OSBPL3: variants seen among roughly 807,000 people sequenced by gnomAD.
The protein encoded by OSBPL3 is oxysterol-binding protein-related protein 3.
OSBPL3 carries 65 observed loss-of-function variants against 120.1 expected under a neutral mutation model. The observed-to-expected ratio is 0.54, with a 90% CI of 0.44 to 0.67. The LOEUF (loss-of-function observed/expected upper bound fraction) is 0.67, where lower values mean the gene tolerates loss of function less well. OSBPL3 is among the 30% of genes least tolerant of loss of function. The probability of loss-of-function intolerance (pLI) is 0.00; values close to 1 mark genes in which losing one functional copy is unlikely to be tolerated. For missense variants in OSBPL3, 1,004 were observed against 1,082.1 expected (o/e 0.93, Z 1.01); for synonymous variants, 416 against 402.6 (o/e 1.03, Z -0.40).
intron 10 of OSBPL3, among the ~76,000 whole-genome samples, chr7:24,861,363 C>A (rs1383557429): frequency 6.6e-6 from 1 of 152,178 alleles, no homozygotes; most frequent in African/African-American, 2.4e-5. Flanking sequence ...ACACTCCCAC[C>A]AACATCACAT....
chr7:24,848,688 G>C (rs1266450208), intron 12 of OSBPL3, among the ~76,000 whole-genome samples: 1 of 152,050 alleles, frequency 6.6e-6, no homozygotes, highest in African/African-American at 2.4e-5. Context: ...AAGGAGGCTG[G>C]CAGGGAACCA....
chr7:24,806,663 T>C lies in OSBPL3; in HGVS notation c.2444+113A>G. 1 of 938,890 alleles carries C rather than the reference T, an allele frequency of 1.1e-6. No individual in the cohort carries two copies. The highest frequency in any genetic ancestry group is 1.6e-6 in the Non-Finnish European group (1 of 625,672). 58.2% of individuals were successfully genotyped at this position (938,890 alleles called of 1,614,324 possible). The stretch of plus-strand genomic sequence containing the variant: ...TAAAGCATCCCCACCTCTCAATTCC[T>C]GATGACATTTTCCACCTTTCTCAGG... On this transcript the variant is annotated intron_variant, in intron 21 of 22. Coordinates refer to ENST00000313367, the MANE Select transcript of OSBPL3 (RefSeq NM_015550.4). This position sits in a 1 kb window ranked among gnomAD's most constrained non-coding sequence, Gnocchi z 5.2.
chr7:24,881,263 C>A lies in OSBPL3; in HGVS notation c.97-9194G>T, dbSNP rs1195481738. On this transcript the variant is annotated intron_variant, in intron 2 of 22. Coordinates refer to ENST00000313367, the MANE Select transcript of OSBPL3 (RefSeq NM_015550.4). This position sits in a 1 kb window ranked among gnomAD's most constrained non-coding sequence, Gnocchi z 4.3. Reference sequence around the variant, plus strand: ...ATCCAAATCAGAAGTGAATTATTTTCACAGTGCTACACAATAACTGGTTCT... The same window carrying A: ...ATCCAAATCAGAAGTGAATTATTTTAACAGTGCTACACAATAACTGGTTCT... 2.2e-4 allele frequency among the ~76,000 whole-genome samples: 33 copies of A among 152,174 alleles called. No homozygotes were observed. Among genetic ancestry groups the A allele is most frequent in the Admixed American group, 2.0e-3 (31 of 15,276 alleles).
At position 24,849,191 on chromosome 7, in the gene OSBPL3, A is replaced by C. The variant is rs1320931720; in HGVS notation, c.1159-15T>G. ...TGTGCTAGGGCCTGGAACATGTTAA[A>C]ATAGTGGGGCTCTGTTAATAAATGG... On this transcript the variant is annotated splice_polypyrimidine_tract_variant and intron_variant, in intron 11 of 22. Coordinates refer to ENST00000313367, the MANE Select transcript of OSBPL3 (RefSeq NM_015550.4). This position sits in a 1 kb window ranked among gnomAD's most constrained non-coding sequence, Gnocchi z 5.4. 3.8e-6 allele frequency: 6 copies of C among 1,585,490 alleles called. No individual in the cohort carries two copies. The highest frequency in any genetic ancestry group is 1.3e-5 in the African/African-American group (1 of 74,426).
At chr7:24,823,030 G>A (rs1473672746) in intron 16 of OSBPL3, among the ~76,000 whole-genome samples, 1 of 152,154 alleles carries the variant, frequency 6.6e-6, no homozygotes, top group Non-Finnish European at 1.5e-5. Context: ...TACATTGATA[G>A]CTTATTATTT....
chr7:24,907,077 C>T lies in OSBPL3; in HGVS notation c.-149-14456G>A, dbSNP rs530549666. Among the ~76,000 whole-genome samples the T allele has an allele frequency of 6.0e-5, 9 of 151,130 alleles. No individual in the cohort carries two copies. In the South Asian group the frequency reaches 1.9e-3, roughly 32 times the overall value. ...CAGAGCCCCCAGTAGTGTAGATTCT[C>T]TCTCTCCCTGACACTGACCTCATCA... On this transcript the variant is annotated intron_variant, in intron 1 of 22. Coordinates refer to ENST00000313367, the MANE Select transcript of OSBPL3 (RefSeq NM_015550.4).
chr7:24,857,666 T>A (rs112114605), intron 10 of OSBPL3, among the ~76,000 whole-genome samples: 28 of 152,216 alleles, frequency 1.8e-4, no homozygotes, highest in Non-Finnish European at 4.4e-5. Flanking sequence ...AAAGGCTTAT[T>A]ATTTACAATG....
chr7:24,889,928 C>T (rs1363758776), intron 2 of OSBPL3, among the ~76,000 whole-genome samples: 1 of 152,182 alleles, frequency 6.6e-6, no homozygotes, highest in Non-Finnish European at 1.5e-5. Context: ...CCATCATCAT[C>T]ATGGAACAGA....
At chr7:24,890,993 C>A (rs1006919578) in intron 2 of OSBPL3, among the ~76,000 whole-genome samples, 1 of 152,176 alleles carries the variant, frequency 6.6e-6, no homozygotes, top group East Asian at 1.9e-4. Flanking sequence ...ATGTTCTCCC[C>A]CTTTATCAAA....
rs930654912 is a variant in OSBPL3 at position 24,797,899 on chromosome 7, T to A, written c.*2284A>T. 1 of 152,144 alleles carries A rather than the reference T, an allele frequency of 6.6e-6. No homozygotes were observed. The highest frequency in any genetic ancestry group is 1.9e-4 in the East Asian group (1 of 5,200). 9.4% of individuals were successfully genotyped at this position (152,144 alleles called of 1,614,324 possible). On this transcript the variant is annotated 3_prime_UTR_variant, in exon 23 of 23. Coordinates refer to ENST00000313367, the MANE Select transcript of OSBPL3 (RefSeq NM_015550.4). This position sits in a 1 kb window ranked among gnomAD's most constrained non-coding sequence, Gnocchi z 4.8. The stretch of plus-strand genomic sequence containing the variant: ...AAAACTATAAAATGTCCTAGAGACA[T>A]ACATTTGGGGGAAAGATGCTTTTGA...
chr7:24,834,982 T>C lies in OSBPL3; in HGVS notation c.1496-246A>G, dbSNP rs1282243469. 6.6e-6 allele frequency among the ~76,000 whole-genome samples: 1 copy of C among 152,176 alleles called. No homozygotes were observed. Among genetic ancestry groups the C allele is most frequent in the Non-Finnish European group, 1.5e-5 (1 of 68,032 alleles). On this transcript the variant is annotated intron_variant, in intron 14 of 22. Coordinates refer to ENST00000313367, the MANE Select transcript of OSBPL3 (RefSeq NM_015550.4). This position sits in a 1 kb window ranked among gnomAD's most constrained non-coding sequence, Gnocchi z 5.2. ...CCTTGAATTGCTCCTCAAAACCTAGTTCCTCATAGCTCATACACACTTAGA... is the reference window on the plus strand; with the variant it reads ...CCTTGAATTGCTCCTCAAAACCTAGCTCCTCATAGCTCATACACACTTAGA...
intron 1 of OSBPL3, among the ~76,000 whole-genome samples, chr7:24,923,348 T>C (rs886341235): frequency 9.2e-5 from 14 of 152,164 alleles, no homozygotes; most frequent in African/African-American, 3.4e-4. Flanking sequence ...TGTCTCCCTG[T>C]CCACTGGAGT....
Position 24,938,884 on chromosome 7 carries a change from T to A in OSBPL3, c.-150+41002A>T, listed in dbSNP as rs1812760592. ...AAGAAAGAAAAAAAAAAAAGATTGT[T>A]ATTAAGGAAAAAGTATATAATGGGA... is the stretch of plus-strand genomic sequence containing the variant. On this transcript the variant is annotated intron_variant, in intron 1 of 22. Coordinates refer to ENST00000313367, the MANE Select transcript of OSBPL3 (RefSeq NM_015550.4). This position sits in a 1 kb window ranked among gnomAD's most constrained non-coding sequence, Gnocchi z 5.8. Among the ~76,000 whole-genome samples the A allele has an allele frequency of 6.7e-6, 1 of 150,326 alleles. No homozygotes were observed. Among genetic ancestry groups the A allele is most frequent in the African/African-American group, 2.5e-5 (1 of 40,706 alleles).
chr7:24,911,180 G>T (rs1054544745), intron 1 of OSBPL3, among the ~76,000 whole-genome samples: 8 of 152,196 alleles, frequency 5.3e-5, no homozygotes, highest in African/African-American at 1.9e-4. Context: ...AAATTGAAAT[G>T]CAAAGCAGGA....
intron 6 of OSBPL3, 143 bp downstream of exon 6, chr7:24,865,927 A>C: frequency 1.5e-6 from 1 of 649,874 alleles, no homozygotes; most frequent in East Asian, 2.7e-5. Flanking sequence ...CTCAGTGGGC[A>C]AACAGACTAA....
chr7:24,837,850 T>C (rs1797207311), intron 14 of OSBPL3, among the ~76,000 whole-genome samples: 1 of 152,220 alleles, frequency 6.6e-6, no homozygotes, highest in Admixed American at 6.5e-5. Context: ...TCCCTTAATC[T>C]GTATTCTTAA....
chr7:24,892,468 A>G lies in OSBPL3; in HGVS notation c.5T>C (p.Met2Thr). The G allele has an allele frequency of 1.9e-6, 3 of 1,612,512 alleles. No homozygotes were observed. Among genetic ancestry groups the G allele is most frequent in the Non-Finnish European group, 2.5e-6 (3 of 1,178,742 alleles). Reference protein sequence around the residue: MMSDEKNLGVSQ... With the variant: MTSDEKNLGVSQ... ...CACACCAAGGTTCTTCTCATCACTCATCATGGACAGCAAGTCACTTGGCCT... is the reference window on the plus strand; with the variant it reads ...CACACCAAGGTTCTTCTCATCACTCGTCATGGACAGCAAGTCACTTGGCCT... Residue 2 changes from methionine to threonine, a missense_variant, in exon 2 of 23, where the codon ATG (methionine) becomes ACG (threonine). By Grantham distance (81) the Met-to-Thr change is moderately conservative. Coordinates refer to ENST00000313367, the MANE Select transcript of OSBPL3 (RefSeq NM_015550.4).
chr7:24,892,254 G>C, intron 2 of OSBPL3, 123 bp downstream of exon 2: 1 of 912,826 alleles, frequency 1.1e-6, no homozygotes. Flanking sequence ...ACAGTCAAGA[G>C]ATAACCAAAA....
At chr7:24,874,480 G>A (rs772830049) in intron 2 of OSBPL3, among the ~76,000 whole-genome samples, 1 of 152,104 alleles carries the variant, frequency 6.6e-6, no homozygotes, top group Non-Finnish European at 1.5e-5. Context: ...AGAAAAAGTA[G>A]ATAAGATCAT....
Sources: gnomAD v4.1 joint callset for allele counts (sites outside exome capture counted in the v4.1 genomes callset) on GRCh38, gnomAD v4.1.1 for gene constraint, Gnocchi (gnomAD v3.1) non-coding constraint, MANE v1.5 for transcripts, NCBI Gene and HGNC (gene_info 2026-07-23, HGNC 2026-07-21) for gene names.